The following PCDHA7 variants were observed in gnomAD, a reference collection of about 807,000 sequenced individuals.
PCDHA7 encodes the protein protocadherin alpha-7.
Under a neutral mutation model 57.2 loss-of-function variants are expected in PCDHA7, and 37 were observed. The ratio of observed to expected loss-of-function variants is 0.65; its 90% CI spans 0.50 to 0.85. The LOEUF (loss-of-function observed/expected upper bound fraction) is 0.85, where lower values mean the gene tolerates loss of function less well. Ranked by LOEUF, PCDHA7 falls within the 40% of genes least tolerant of loss-of-function variation. PCDHA7 has a pLI of 0.00. For missense variants in PCDHA7, 1,188 were observed against 1,241.8 expected, an observed-to-expected ratio of 0.96 and a Z score of 0.65; for synonymous variants, 553 against 558.8, an observed-to-expected ratio of 0.99 and a Z score of 0.15.
intron 1 of PCDHA7, chr5:140,866,128 A>G (rs1022878402): frequency 6.6e-6 from 1 of 152,166 alleles, no homozygotes; most frequent in Non-Finnish European, 1.5e-5. Flanking sequence ...AGAACTACGT[A>G]TCTGTTGTTT....
chr5:140,847,677 T>A (rs1554141874), intron 1 of PCDHA7: 1 of 149,738 alleles, frequency 6.7e-6, no homozygotes, highest in African/African-American at 2.4e-5. Flanking sequence ...TTGGAAAGAA[T>A]CAAAACAACA....
intron 1 of PCDHA7, among the ~76,000 whole-genome samples, chr5:140,894,254 A>G (rs566555133): frequency 6.6e-6 from 1 of 152,128 alleles, no homozygotes; most frequent in Admixed American, 6.5e-5. Flanking sequence ...TCTTTTCTTT[A>G]CAAGTGGTAG....
rs782547925 is a variant in PCDHA7, at chr5:140,967,973, G to A, written c.2356-10976G>A. 4 of 1,614,170 alleles carry A rather than the reference G, an allele frequency of 2.5e-6. No individual in the cohort carries two copies. In the African/African-American group the frequency reaches 4.0e-5, roughly 16 times the overall value. On this transcript the variant is annotated intron_variant, in intron 1 of 3. Coordinates refer to ENST00000525929, the MANE Select transcript of PCDHA7 (RefSeq NM_018910.3). ...AGGCCCCAACCGGAAAGTGAGCCTG[G>A]GTCTGGAGGCCACACTGCCTTTCCG... is the stretch of plus-strand genomic sequence containing the variant.
At chr5:140,962,270 A>T (rs2095668540) in intron 1 of PCDHA7, among the ~76,000 whole-genome samples, 1 of 152,210 alleles carries the variant, frequency 6.6e-6, no homozygotes, top group African/African-American at 2.4e-5. Context: ...TTTATAATTT[A>T]AAAAACCTCA....
In PCDHA7 at chr5:140,834,604, T is replaced by G. The variant is rs2150222794; in HGVS notation, c.221T>G (p.Leu74Arg). Reference protein sequence around the residue: ...FRAVCKFRGDLLEVNLQNGIL... With the variant: ...FRAVCKFRGDRLEVNLQNGIL... ...GCGGTGTGCAAATTCCGTGGGGATCTTCTGGAGGTAAATCTGCAGAATGGC... is the reference window on the plus strand; with the variant it reads ...GCGGTGTGCAAATTCCGTGGGGATCGTCTGGAGGTAAATCTGCAGAATGGC... The change falls in exon 1 of 4, where the codon CTT (leucine) becomes CGT (arginine). Residue 74 changes from leucine to arginine, a missense_variant. Physicochemically the swap from Leu to Arg is moderately radical, Grantham distance 102. Coordinates refer to ENST00000525929, the MANE Select transcript of PCDHA7 (RefSeq NM_018910.3). The G allele has an allele frequency of 6.2e-7, 1 of 1,614,158 alleles. No homozygotes were observed. The highest frequency in any genetic ancestry group is 1.1e-5 in the South Asian group (1 of 91,084).
chr5:140,876,079 G>C, intron 1 of PCDHA7: 1 of 1,613,940 alleles, frequency 6.2e-7, no homozygotes, highest in Non-Finnish European at 8.5e-7. Flanking sequence ...ATTGGACAGA[G>C]AGCAAACGCC....
chr5:140,849,878 G>C, intron 1 of PCDHA7: 1 of 1,598,602 alleles, frequency 6.3e-7, no homozygotes, highest in South Asian at 1.1e-5. Context: ...CCGAGTACAC[G>C]GTGTTCGTGA....
rs199529084 is a variant in PCDHA7, at chr5:140,856,259, G to C, written c.2355+19521G>C. The C allele has an allele frequency of 2.8e-5, 44 of 1,598,088 alleles. 4 individuals are homozygous for C. Among genetic ancestry groups the C allele is most frequent in the Non-Finnish European group, 3.5e-5 (41 of 1,167,866 alleles). Reference sequence around the variant, plus strand: ...GTTCCGGGTGGCGTCCAAAAGACACGGGGACCTTCTGGAGGTAAATCTGCA... The same window carrying C: ...GTTCCGGGTGGCGTCCAAAAGACACCGGGACCTTCTGGAGGTAAATCTGCA... On this transcript the variant is annotated intron_variant, in intron 1 of 3. Coordinates refer to ENST00000525929, the MANE Select transcript of PCDHA7 (RefSeq NM_018910.3).
In PCDHA7 at chr5:140,876,309, T is replaced by G. The variant is rs868927753; in HGVS notation, c.2355+39571T>G. On this transcript the variant is annotated intron_variant, in intron 1 of 3. Transcript: ENST00000525929. ...AAGGACTTAATGGAGAAATTTCCTATGGGATCAAAATGATTTTGCCAGTGA... is the reference window on the plus strand; with the variant it reads ...AAGGACTTAATGGAGAAATTTCCTAGGGGATCAAAATGATTTTGCCAGTGA... The G allele has an allele frequency of 6.2e-6, 10 of 1,614,064 alleles. No homozygotes were observed. The Admixed American group carries it at 1.7e-4, about 27-fold the overall frequency.
At chr5:141,006,528 T>A (rs1161709459) in intron 3 of PCDHA7, among the ~76,000 whole-genome samples, 1 of 152,092 alleles carries the variant, frequency 6.6e-6, no homozygotes, top group African/African-American at 2.4e-5. Context: ...ACATCAGTTT[T>A]TAAAGAGAGA....
At chr5:140,841,423 C>A (rs139433967) in intron 1 of PCDHA7, 2 of 1,610,284 alleles carry the variant, frequency 1.2e-6, no homozygotes, top group Admixed American at 3.4e-5. Flanking sequence ...TCCACTACTC[C>A]GTCCCCGAGG....
intron 1 of PCDHA7, chr5:140,850,278 C>T: frequency 6.3e-7 from 1 of 1,595,340 alleles, no homozygotes; most frequent in Non-Finnish European, 8.6e-7. Flanking sequence ...GGGGAAGGTG[C>T]GCGCAGTGGA....
At chr5:140,969,038 A>G in intron 1 of PCDHA7, 1 of 1,614,148 alleles carries the variant, frequency 6.2e-7, no homozygotes, top group South Asian at 1.1e-5. Context: ...AGAACTGTAC[A>G]AACAAGCCAA....
chr5:140,857,319 T>A, intron 1 of PCDHA7: 3 of 1,598,650 alleles, frequency 1.9e-6, no homozygotes, highest in Non-Finnish European at 2.6e-6. Flanking sequence ...GAGCTGGTGG[T>A]GACCGCGCGG....
At chr5:140,985,557 G>A (rs1190905215) in intron 3 of PCDHA7, among the ~76,000 whole-genome samples, 1 of 152,118 alleles carries the variant, frequency 6.6e-6, no homozygotes, top group East Asian at 1.9e-4. Context: ...GCTTCCAAAA[G>A]GCTTCTTTCT....
At chr5:140,976,486 G>T (rs782708902) in intron 1 of PCDHA7, among the ~76,000 whole-genome samples, 1 of 152,078 alleles carries the variant, frequency 6.6e-6, no homozygotes, top group Non-Finnish European at 1.5e-5. Context: ...GGGAGGCAGA[G>T]GTTGCAGGGA....
At chr5:140,958,375 T>A (rs1554223446) in intron 1 of PCDHA7, among the ~76,000 whole-genome samples, 1 of 152,162 alleles carries the variant, frequency 6.6e-6, no homozygotes, top group Non-Finnish European at 1.5e-5. Flanking sequence ...AATGTTGCTA[T>A]TTTCTTAACA....
rs2150341132 is a variant in PCDHA7, at chr5:140,842,649, T to C, written c.2355+5911T>C. The C allele has an allele frequency of 5.7e-5, 91 of 1,595,206 alleles. 10 individuals are homozygous for C. The Admixed American group carries it at 1.5e-3, about 27-fold the overall frequency. On this transcript the variant is annotated intron_variant, in intron 1 of 3. Transcript: ENST00000525929. ...CTGTGGGCCACCGCCAGCTTGTCTG[T>C]GGAGGTGGCCGACGTGAACGACAAT... is the stretch of plus-strand genomic sequence containing the variant.
chr5:140,904,265 T>C (rs2070995327), intron 1 of PCDHA7, among the ~76,000 whole-genome samples: 1 of 152,118 alleles, frequency 6.6e-6, no homozygotes, highest in Non-Finnish European at 1.5e-5. Context: ...CTCCCACTTA[T>C]GAATGAGAAC....
Sources: allele counts gnomAD v4.1 joint callset (sites outside exome capture counted in the v4.1 genomes callset), GRCh38; gene constraint gnomAD v4.1.1; transcripts MANE v1.5; gene names NCBI Gene and HGNC (gene_info 2026-07-23, HGNC 2026-07-21).